The following FREM2 variants were observed in gnomAD, a reference collection of about 807,000 sequenced individuals.
The protein encoded by FREM2 is FRAS1-related extracellular matrix protein 2.
A neutral mutation model predicts 219.9 loss-of-function variants in FREM2; 119 were observed. The observed-to-expected ratio is 0.54, with a 90% confidence interval of 0.47 to 0.63. FREM2 has a LOEUF of 0.63. FREM2 is among the 30% of genes least tolerant of loss of function. The pLI, the probability that FREM2 is intolerant of heterozygous loss-of-function variation, is 0.00. For synonymous variants in FREM2, 1,562 were observed against 1,522.8 expected (o/e 1.03, Z -0.60); for missense variants, 4,030 against 3,993.6 (o/e 1.01, Z -0.25).
In FREM2 at chr13:38,687,380, C is replaced by T. The variant is rs755417969; in HGVS notation, c.36C>T (p.Arg12=). ...CCGGGACTCCCGGGTTATCCTCGCGCCGGACAGGCAACTCCACCAGCTTTC... is the reference window on the plus strand; with the variant it reads ...CCGGGACTCCCGGGTTATCCTCGCGTCGGACAGGCAACTCCACCAGCTTTC... ...HSAGTPGLSS[R]RTGNSTSFQP... Residue 12 remains arginine (R), a synonymous_variant, in exon 1 of 24, where the codon CGC becomes CGT. Coordinates refer to ENST00000280481, the MANE Select transcript of FREM2 (RefSeq NM_207361.6). The T allele has an allele frequency of 1.9e-6, 3 of 1,608,738 alleles. No individual in the cohort carries two copies. Among genetic ancestry groups the T allele is most frequent in the Non-Finnish European group, 2.5e-6 (3 of 1,178,106 alleles).
intron 2 of FREM2, among the ~76,000 whole-genome samples, chr13:38,757,309 A>G (rs762217801): frequency 1.3e-5 from 2 of 152,180 alleles, no homozygotes; most frequent in Non-Finnish European, 1.5e-5. Flanking sequence ...GAACATTGAT[A>G]TATTTGTCAG....
intron 2 of FREM2, among the ~76,000 whole-genome samples, chr13:38,702,023 A>G (rs942476932): frequency 6.6e-6 from 1 of 152,170 alleles, no homozygotes; most frequent in African/African-American, 2.4e-5. Flanking sequence ...CTCTTTTGAC[A>G]TAAAGATCAA....
intron 4 of FREM2, among the ~76,000 whole-genome samples, chr13:38,776,540 G>A (rs1873875238): frequency 6.6e-6 from 1 of 152,088 alleles, no homozygotes; most frequent in South Asian, 2.1e-4. Context: ...AATAAGAACT[G>A]CAGTTACAAA....
chr13:38,875,717 T>C (rs1878317638), intron 18 of FREM2, among the ~76,000 whole-genome samples: 1 of 152,238 alleles, frequency 6.6e-6, no homozygotes, highest in Non-Finnish European at 1.5e-5. Context: ...AAAGTAGCTC[T>C]GAACAATTTG....
rs554191377 is a variant in FREM2 at position 38,846,652 on chromosome 13, G to A, written c.6099G>A (p.Thr2033=). The part of the protein sequence containing the change: ...AGYVEVQVWR[T]GTDLSKSSSV... ...ATGTGGAAGTGCAGGTGTGGAGAACGGGCACTGACCTGTCCAAGTCTTCTA... is the reference window on the plus strand; with the variant it reads ...ATGTGGAAGTGCAGGTGTGGAGAACAGGCACTGACCTGTCCAAGTCTTCTA... Residue 2033 remains threonine, a synonymous_variant, in exon 7 of 24, where the codon ACG becomes ACA. Transcript: ENST00000280481. 3.1e-6 allele frequency: 5 copies of A among 1,613,804 alleles called. No homozygotes were observed. The highest frequency in any genetic ancestry group is 1.3e-5 in the African/African-American group (1 of 75,008).
intron 6 of FREM2, among the ~76,000 whole-genome samples, chr13:38,819,669 T>C (rs1384274510): frequency 2.6e-5 from 4 of 152,184 alleles, no homozygotes; most frequent in Admixed American, 2.6e-4. Flanking sequence ...TAATCATAGC[T>C]ATCATGAACA....
At chr13:38,861,291 A>G (rs974053221) in intron 14 of FREM2, 140 bp from the exon 15 acceptor site, 4 of 795,248 alleles carry the variant, frequency 5.0e-6, no homozygotes, top group Middle Eastern at 3.4e-4. Flanking sequence ...TTATCACGTG[A>G]TGTACACTCT....
rs904422682 is a variant in FREM2 at position 38,691,785 on chromosome 13, T to C, written c.4441T>C (p.Ser1481Pro). Residue 1481 changes from serine to proline, a missense_variant, in exon 1 of 24, where the codon TCT (serine) becomes CCT (proline). Ser to Pro is a moderately conservative substitution (Grantham distance 74, BLOSUM62 -1). Coordinates refer to ENST00000280481, the MANE Select transcript of FREM2 (RefSeq NM_207361.6). The stretch of plus-strand genomic sequence containing the variant: ...GGATCAGCCTGGTGTGTCCATCACG[T>C]CTTTCACTCAGCTGCAACTGGCTGG... Reference protein sequence around the residue: ...CTDQPGVSITSFTQLQLAGNK... With the variant: ...CTDQPGVSITPFTQLQLAGNK... 3 of 1,614,066 alleles carry C rather than the reference T, an allele frequency of 1.9e-6. No individual in the cohort carries two copies. Among genetic ancestry groups the C allele is most frequent in the African/African-American group, 2.7e-5 (2 of 74,920 alleles).
At chr13:38,764,615 T>C (rs1873363814) in intron 3 of FREM2, among the ~76,000 whole-genome samples, 165 bp downstream of exon 3, 1 of 152,212 alleles carries the variant, frequency 6.6e-6, no homozygotes, top group African/African-American at 2.4e-5. Context: ...GTCAAGGTAC[T>C]TATCTCTTCA....
chr13:38,876,251 C>A lies in FREM2; in HGVS notation c.8413C>A (p.Arg2805Ser). ...QWSFVSDFAVRDYSGTYTVKL... is the reference protein window; with the variant it reads ...QWSFVSDFAVSDYSGTYTVKL... ...TATCAATATCTTCTCCTCAAAGGTA[C>A]GTGACTACTCAGGGACCTATACTGT... is the stretch of plus-strand genomic sequence containing the variant. Residue 2805 changes from arginine (R) to serine (S), a missense_variant, in exon 20 of 24, where the codon CGT becomes AGT. Arg to Ser is a moderately radical substitution (Grantham distance 110, BLOSUM62 -1). Transcript: ENST00000280481. 6.2e-7 allele frequency: 1 copy of A among 1,613,982 alleles called. No individual in the cohort carries two copies. Among genetic ancestry groups the A allele is most frequent in the Non-Finnish European group, 8.5e-7 (1 of 1,179,954 alleles).
At chr13:38,824,645 T>A (rs1226544772) in intron 6 of FREM2, among the ~76,000 whole-genome samples, 1 of 151,932 alleles carries the variant, frequency 6.6e-6, no homozygotes, top group Non-Finnish European at 1.5e-5. Flanking sequence ...GCTGTCCTCT[T>A]GAGCTGAGTT....
chr13:38,865,916 C>A (rs2137927099), intron 16 of FREM2, among the ~76,000 whole-genome samples: 1 of 152,260 alleles, frequency 6.6e-6, no homozygotes, highest in East Asian at 1.9e-4. Context: ...TCTTTCCTAA[C>A]CTGTTTTTGC....
At chr13:38,795,723 C>T (rs1021617720) in intron 6 of FREM2, among the ~76,000 whole-genome samples, 1 of 152,136 alleles carries the variant, frequency 6.6e-6, no homozygotes, top group Non-Finnish European at 1.5e-5. Flanking sequence ...CACAAACACA[C>T]CTCTCTTTAT....
intron 6 of FREM2, among the ~76,000 whole-genome samples, chr13:38,787,948 G>T (rs1874399285): frequency 6.6e-6 from 1 of 151,946 alleles, no homozygotes; most frequent in Non-Finnish European, 1.5e-5. Context: ...AGATTGATGA[G>T]TAAGAACAGG....
At chr13:38,863,963 G>T (rs999081085) in intron 15 of FREM2, among the ~76,000 whole-genome samples, 2 of 152,044 alleles carry the variant, frequency 1.3e-5, no homozygotes, top group Non-Finnish European at 2.9e-5. Context: ...CTCCCAAGTA[G>T]CTGGGATTAC....
intron 6 of FREM2, among the ~76,000 whole-genome samples, chr13:38,806,141 G>A (rs1875217197): frequency 6.6e-6 from 1 of 151,752 alleles, no homozygotes; most frequent in African/African-American, 2.4e-5. Flanking sequence ...CTAAATACAA[G>A]TAGGAGGGTC....
At chr13:38,780,149 A>T (rs1206233178) in intron 4 of FREM2, among the ~76,000 whole-genome samples, 1 of 152,174 alleles carries the variant, frequency 6.6e-6, no homozygotes, top group Non-Finnish European at 1.5e-5. Context: ...GGCTAATTTG[A>T]CATGTCAGCT....
intron 2 of FREM2, among the ~76,000 whole-genome samples, chr13:38,755,876 C>T: frequency 6.6e-6 from 1 of 152,168 alleles, no homozygotes; most frequent in East Asian, 1.9e-4. Context: ...TAACAACAAT[C>T]CTACAGATTT....
intron 11 of FREM2, among the ~76,000 whole-genome samples, chr13:38,853,301 G>A (rs1877441963): frequency 7.2e-6 from 1 of 139,692 alleles, no homozygotes; most frequent in African/African-American, 2.7e-5. Flanking sequence ...TGAGAGACAA[G>A]CGCAAAACTC....
Sources: allele counts gnomAD v4.1 joint callset (sites outside exome capture counted in the v4.1 genomes callset), GRCh38; gene constraint gnomAD v4.1.1; transcripts MANE v1.5; gene names NCBI Gene and HGNC (gene_info 2026-07-23, HGNC 2026-07-21).